The following TENM3 variants were observed in gnomAD, a reference collection of about 807,000 sequenced individuals.
TENM3 encodes the protein teneurin transmembrane protein 3, also known as teneurin-3.
A neutral mutation model predicts 255.1 loss-of-function variants in TENM3; 63 were observed. The observed-to-expected ratio is 0.25, with a 90% CI of 0.20 to 0.30. The LOEUF (loss-of-function observed/expected upper bound fraction) is 0.30. Among genes scored for constraint, TENM3 ranks in the 10% least tolerant of loss-of-function variants. The pLI is 1.00. For missense variants in TENM3, 2,929 were observed against 3,461.1 expected, an observed-to-expected ratio of 0.85 and a Z score of 3.86; for synonymous variants, 1,306 against 1,322.3, an observed-to-expected ratio of 0.99 and a Z score of 0.27.
chr4:182,725,416 T>A (rs1314308910), intron 13 of TENM3, among the ~76,000 whole-genome samples: 2 of 152,108 alleles, frequency 1.3e-5, no homozygotes, highest in African/African-American at 4.8e-5. Context: ...TATGCTTCTA[T>A]TTCTTTGAGA....
At chr4:181,573,580 A>C in the TENM3 span, among the ~76,000 whole-genome samples, 4 of 152,272 alleles carry the variant, frequency 2.6e-5, no homozygotes, top group East Asian at 7.7e-4. Context: ...AATATAGAAA[A>C]CGAATATTTA....
At chr4:181,745,060 G>A in the TENM3 span, among the ~76,000 whole-genome samples, 3 of 152,144 alleles carry the variant, frequency 2.0e-5, no homozygotes, top group Non-Finnish European at 4.4e-5. Context: ...ATCGTGAAAG[G>A]AGTGATTGTG....
chr4:181,825,741 T>G, the TENM3 span, among the ~76,000 whole-genome samples: 1 of 152,232 alleles, frequency 6.6e-6, no homozygotes, highest in Non-Finnish European at 1.5e-5. Flanking sequence ...TAAATATTCC[T>G]ATTTTTTACA....
At chr4:181,872,928 AT>A in the TENM3 span, among the ~76,000 whole-genome samples, 1 of 151,088 alleles carries the variant, frequency 6.6e-6, no homozygotes, top group Non-Finnish European at 1.5e-5. Context: ...CTTTATTTTT[AT>A]TTTTTCTTAA....
chr4:181,466,465 A>G, the TENM3 span, among the ~76,000 whole-genome samples: 1 of 152,102 alleles, frequency 6.6e-6, no homozygotes, highest in African/African-American at 2.4e-5. Flanking sequence ...CCACAGTGTG[A>G]TTCCATCATG....
At chr4:181,575,316 T>C in the TENM3 span, among the ~76,000 whole-genome samples, 1 of 152,244 alleles carries the variant, frequency 6.6e-6, no homozygotes, top group African/African-American at 2.4e-5. Flanking sequence ...TTTCTATTTA[T>C]ATTGTAGTTA....
the TENM3 span, among the ~76,000 whole-genome samples, chr4:181,489,631 C>T: frequency 6.6e-6 from 1 of 152,120 alleles, no homozygotes; most frequent in African/African-American, 2.4e-5. Flanking sequence ...ATAGGAAAAA[C>T]AATCTAATAA....
the TENM3 span, among the ~76,000 whole-genome samples, chr4:181,911,026 G>C: frequency 1.3e-5 from 2 of 152,020 alleles, no homozygotes. Context: ...CTGTGATTAG[G>C]ATCAAAAGGT....
intron 1 of TENM3, among the ~76,000 whole-genome samples, chr4:182,296,296 A>G (rs190804593): frequency 1.1e-4 from 17 of 152,272 alleles, no homozygotes; most frequent in African/African-American, 4.1e-4. Flanking sequence ...TTACTCCAAT[A>G]TACTTGTTTC....
At chr4:181,671,839 G>A in the TENM3 span, among the ~76,000 whole-genome samples, 15 of 151,912 alleles carry the variant, frequency 9.9e-5, no homozygotes, top group South Asian at 4.2e-4. Context: ...CTTCTGATGC[G>A]CTCCAGTGTC....
chr4:181,689,574 C>A, the TENM3 span, among the ~76,000 whole-genome samples: 1 of 152,148 alleles, frequency 6.6e-6, no homozygotes, highest in East Asian at 1.9e-4. Flanking sequence ...GAGTACCAAA[C>A]TCAGATCACT....
At chr4:182,644,049 C>CT (rs1752538625) in intron 5 of TENM3, among the ~76,000 whole-genome samples, 1 of 152,216 alleles carries the variant, frequency 6.6e-6, no homozygotes, top group African/African-American at 2.4e-5. Flanking sequence ...GCACGCTACT[C>CT]TGTGTTGCCA....
the TENM3 span, among the ~76,000 whole-genome samples, chr4:181,466,965 C>A: frequency 1.3e-5 from 2 of 150,550 alleles, no homozygotes; most frequent in Non-Finnish European, 3.0e-5. Flanking sequence ...TCATAGATTG[C>A]ATTTATTTGA....
At chr4:181,550,147 T>C in the TENM3 span, among the ~76,000 whole-genome samples, 1 of 152,188 alleles carries the variant, frequency 6.6e-6, no homozygotes, top group Admixed American at 6.5e-5. Flanking sequence ...AGTCACAAAA[T>C]GTCTTTTCAT....
chr4:182,469,002 T>G (rs1465933544), intron 3 of TENM3, among the ~76,000 whole-genome samples: 1 of 152,150 alleles, frequency 6.6e-6, no homozygotes, highest in Non-Finnish European at 1.5e-5. Flanking sequence ...CTATATGGAT[T>G]TAAAACAAAG....
At chr4:182,321,808 G>A (rs530828181) in intron 1 of TENM3, among the ~76,000 whole-genome samples, 1 of 151,984 alleles carries the variant, frequency 6.6e-6, no homozygotes, top group Non-Finnish European at 1.5e-5. Flanking sequence ...AGCCGGATGT[G>A]GTGGTGAGCT....
At chr4:182,708,254 G>T (rs1043753314) in intron 12 of TENM3, among the ~76,000 whole-genome samples, 5 of 152,064 alleles carry the variant, frequency 3.3e-5, no homozygotes, top group Non-Finnish European at 7.4e-5. Context: ...TACCTACAGC[G>T]AGCAGGGCTG....
the TENM3 span, chr4:182,081,693 A>G: frequency 1.3e-5 from 2 of 152,140 alleles, no homozygotes; most frequent in Non-Finnish European, 2.9e-5. Context: ...ACTGTTAGAG[A>G]AAACCATTAG....
chr4:182,134,256 A>G, the TENM3 span, among the ~76,000 whole-genome samples: 5 of 152,180 alleles, frequency 3.3e-5, no homozygotes, highest in African/African-American at 1.2e-4. Flanking sequence ...TCACACTGTA[A>G]ACTCTTGAGG....
Sources: gnomAD v4.1 joint callset for allele counts (sites outside exome capture counted in the v4.1 genomes callset) on GRCh38, gnomAD v4.1.1 for gene constraint, MANE v1.5 for transcripts, NCBI Gene and HGNC (gene_info 2026-07-23, HGNC 2026-07-21) for gene names.